PSTPIP1: variants seen among roughly 807,000 people sequenced by gnomAD.
PSTPIP1 encodes proline-serine-threonine phosphatase interacting protein 1.
A neutral mutation model predicts 69.6 loss-of-function variants in PSTPIP1; 66 were observed. The ratio of observed to expected loss-of-function variants is 0.95; its 90% CI spans 0.78 to 1.16. The LOEUF (loss-of-function observed/expected upper bound fraction) is 1.16, where lower values mean the gene tolerates loss of function less well. Among genes scored for constraint, PSTPIP1 ranks in the 50% most tolerant of loss-of-function variants. The pLI, the probability that PSTPIP1 is intolerant of heterozygous loss-of-function variation, is 0.00. For missense variants in PSTPIP1, 603 were observed against 557.4 expected (o/e 1.08, Z -0.82); for synonymous variants, 266 against 222.7 (o/e 1.19, Z -1.73).
chr15:77,036,278 G>A (rs970446052), intron 14 of PSTPIP1, among the ~76,000 whole-genome samples: 5 of 152,172 alleles, frequency 3.3e-5, no homozygotes, highest in South Asian at 2.1e-4. Flanking sequence ...CAGGCTGGGC[G>A]CTGAGTGGTG....
intron 7 of PSTPIP1, 55 bp from the exon 8 acceptor site, chr15:77,029,474 T>TGGGCCCTGGCTCCTGGGGC: frequency 1.3e-6 from 2 of 1,547,420 alleles, no homozygotes; most frequent in Non-Finnish European, 1.7e-6. Context: ...TCTGCTGGGG[T>TGGGCCCTGGCTCCTGGGGC]GGGCCCTGGC....
chr15:76,999,047 G>A (rs925686192), intron 1 of PSTPIP1, among the ~76,000 whole-genome samples: 15 of 152,200 alleles, frequency 9.9e-5, no homozygotes, highest in Non-Finnish European at 1.5e-4. Context: ...GCCTAGCACT[G>A]AGTCTAAGGC....
chr15:77,020,528 T>C (rs1032798150), intron 3 of PSTPIP1, among the ~76,000 whole-genome samples: 2 of 152,180 alleles, frequency 1.3e-5, no homozygotes, highest in Admixed American at 1.3e-4. Context: ...CAAGCATCCA[T>C]CCTCCATCCA....
chr15:77,032,281 GCT>G lies in PSTPIP1; in HGVS notation c.742-14_742-13del. The G allele has an allele frequency of 6.2e-7, 1 of 1,611,378 alleles. No individual in the cohort carries two copies. The highest frequency in any genetic ancestry group is 8.5e-7 in the Non-Finnish European group (1 of 1,178,976). On this transcript the variant is annotated splice_polypyrimidine_tract_variant and intron_variant, in intron 10 of 14. Transcript: ENST00000558012. ...GAGTGGGCATCGGGCTGCGGCCTCT[GCT>G]CTTTCCTGCCCCAGCTCTACGAGGA...
At chr15:77,029,672 G>A (rs1342433093) in intron 8 of PSTPIP1, 98 bp downstream of exon 8, 2 of 1,355,870 alleles carry the variant, frequency 1.5e-6, no homozygotes, top group African/African-American at 2.9e-5. Flanking sequence ...ACTCCCCCTG[G>A]CTGCACAATC....
chr15:77,028,772 C>G (rs1433466528), intron 7 of PSTPIP1, 120 bp downstream of exon 7: 10 of 866,826 alleles, frequency 1.2e-5, no homozygotes, highest in African/African-American at 5.3e-5. Context: ...GCTTAGCCCT[C>G]TCTGACCCCC....
At chr15:77,002,132 C>T (rs2075721517) in intron 1 of PSTPIP1, among the ~76,000 whole-genome samples, 1 of 152,250 alleles carries the variant, frequency 6.6e-6, no homozygotes, top group African/African-American at 2.4e-5. Context: ...GCCATTCAGT[C>T]CACATGCCCC....
At chr15:77,024,283 G>GA (rs2076225175) in intron 3 of PSTPIP1, 1 of 152,300 alleles carries the variant, frequency 6.6e-6, no homozygotes, top group Admixed American at 6.5e-5. Context: ...AGGGCGAGGG[G>GA]CCTGGCCCCC....
At chr15:77,014,074 G>A (rs934860215) in intron 1 of PSTPIP1, among the ~76,000 whole-genome samples, 6 of 152,174 alleles carry the variant, frequency 3.9e-5, no homozygotes, top group African/African-American at 1.4e-4. Context: ...CAGGCCCTGA[G>A]TGTGGGGCTT....
intron 1 of PSTPIP1, among the ~76,000 whole-genome samples, chr15:77,006,136 G>GTT (rs374629699): frequency 6.7e-6 from 1 of 148,944 alleles, no homozygotes; most frequent in Non-Finnish European, 1.5e-5. Flanking sequence ...GTTAATTTCT[G>GTT]TTTTTTTTTT....
At chr15:77,029,701 T>C in intron 8 of PSTPIP1, 127 bp downstream of exon 8, 1 of 1,106,222 alleles carries the variant, frequency 9.0e-7, no homozygotes. Flanking sequence ...GGCGCTCTCA[T>C]TCCAGATATG....
At chr15:77,020,420 G>T (rs2076137102) in intron 3 of PSTPIP1, among the ~76,000 whole-genome samples, 1 of 152,108 alleles carries the variant, frequency 6.6e-6, no homozygotes, top group South Asian at 2.1e-4. Flanking sequence ...AGCCACAGGG[G>T]TTCACTGCAC....
At chr15:76,994,821 C>A, upstream of PSTPIP1, 1 of 1,289,126 alleles carries the variant, frequency 7.8e-7, no homozygotes. Flanking sequence ...CCTGGGTAAG[C>A]CCCTCCAGAA....
At chr15:77,008,140 T>C (rs938521688) in intron 1 of PSTPIP1, 3 of 447,688 alleles carry the variant, frequency 6.7e-6, no homozygotes, top group Non-Finnish European at 1.3e-5. Context: ...CTGCAGTGAA[T>C]ACTAAACGCA....
intron 1 of PSTPIP1, among the ~76,000 whole-genome samples, chr15:76,997,449 C>T (rs2075605440): frequency 6.6e-6 from 1 of 150,666 alleles, no homozygotes; most frequent in Non-Finnish European, 1.5e-5. Context: ...TAACAACTAA[C>T]ATTTGCTGAG....
At chr15:77,028,762 G>T in intron 7 of PSTPIP1, 110 bp downstream of exon 7, 1 of 974,008 alleles carries the variant, frequency 1.0e-6, no homozygotes, top group East Asian at 3.0e-5. Context: ...TGGGGATGCT[G>T]CTTAGCCCTC....
intron 5 of PSTPIP1, chr15:77,026,218 G>A (rs917880376): frequency 4.4e-6 from 2 of 455,926 alleles, no homozygotes; most frequent in Admixed American, 4.7e-5. Context: ...AGGCTGCAGG[G>A]CTGAAGTTGG....
In PSTPIP1 at chr15:77,037,401, C is replaced by A; in HGVS notation, c.*225C>A. On this transcript the variant is annotated 3_prime_UTR_variant, in exon 15 of 15. Coordinates refer to ENST00000558012, the MANE Select transcript of PSTPIP1 (RefSeq NM_003978.5). ...GTCCGAGTGCTCAGTTCAGAGGAGG[C>A]AAAGGAACAAGGGAAGGAGCCTGGA... 2.1e-6 allele frequency: 1 copy of A among 485,702 alleles called. No homozygotes were observed. Among genetic ancestry groups the A allele is most frequent in the Non-Finnish European group, 3.5e-6 (1 of 283,786 alleles). 30.1% of individuals were successfully genotyped at this position (485,702 alleles called of 1,614,324 possible).
In PSTPIP1 at chr15:77,031,234, G is replaced by A; in HGVS notation, c.697G>A (p.Val233Met). The A allele has an allele frequency of 1.2e-6, 2 of 1,613,158 alleles. No homozygotes were observed. The highest frequency in any genetic ancestry group is 1.7e-6 in the Non-Finnish European group (2 of 1,179,682). ...RLTILRNALWVHSNQLSMQCV... is the reference protein window; with the variant it reads ...RLTILRNALWMHSNQLSMQCV... Reference sequence around the variant, plus strand: ...GACCATTCTCCGCAACGCCCTGTGGGTGCACAGCAACCAGCTCTCCATGCA... The same window carrying A: ...GACCATTCTCCGCAACGCCCTGTGGATGCACAGCAACCAGCTCTCCATGCA... Residue 233 changes from valine (V) to methionine (M), a missense_variant, in exon 10 of 15, where the codon GTG (valine) becomes ATG (methionine). Val to Met is a conservative substitution (Grantham distance 21). Transcript: ENST00000558012.
Sources: allele counts gnomAD v4.1 joint callset (sites outside exome capture counted in the v4.1 genomes callset), GRCh38; gene constraint gnomAD v4.1.1; transcripts MANE v1.5; gene names NCBI Gene and HGNC (gene_info 2026-07-23, HGNC 2026-07-21).